The following LRBA variants were observed in gnomAD, a reference collection of about 807,000 sequenced individuals.
LRBA encodes LPS responsive beige-like anchor protein, also known as lipopolysaccharide-responsive and beige-like anchor protein.
In LRBA, 176 loss-of-function variants were observed where a neutral mutation model predicts 330.0. That is an observed-to-expected ratio of 0.53 (90% confidence interval 0.47 to 0.60). LRBA has a LOEUF of 0.60. LRBA is among the 20% of genes least tolerant of loss of function. The probability of loss-of-function intolerance (pLI) is 0.00; values close to 1 mark genes in which losing one functional copy is unlikely to be tolerated. For missense variants in LRBA, 3,259 were observed against 3,444.8 expected (o/e 0.95, Z 1.35); for synonymous variants, 1,230 against 1,193.0 (o/e 1.03, Z -0.64).
chr4:150,328,042 A>C (rs1437077230), intron 48 of LRBA, among the ~76,000 whole-genome samples: 1 of 152,208 alleles, frequency 6.6e-6, no homozygotes, highest in Non-Finnish European at 1.5e-5. Flanking sequence ...ATAGTAACAA[A>C]GAGATGAATA....
intron 40 of LRBA, among the ~76,000 whole-genome samples, chr4:150,538,687 G>A (rs1302522604): frequency 6.6e-6 from 1 of 151,980 alleles, no homozygotes; most frequent in Non-Finnish European, 1.5e-5. Context: ...CTACTGGCCA[G>A]GCGCACACCT....
chr4:150,716,493 G>A (rs1051805729), intron 36 of LRBA, among the ~76,000 whole-genome samples: 2 of 152,050 alleles, frequency 1.3e-5, no homozygotes, highest in Non-Finnish European at 2.9e-5. Context: ...AAAACAAAAA[G>A]CAAAATCCAA....
At chr4:150,880,860 A>C (rs555481550) in intron 17 of LRBA, among the ~76,000 whole-genome samples, 28 of 152,342 alleles carry the variant, frequency 1.8e-4, no homozygotes, top group Non-Finnish European at 3.4e-4. Flanking sequence ...AAACAATCCC[A>C]TTAAAAAATG....
chr4:150,559,555 T>A (rs1767792543), intron 40 of LRBA, among the ~76,000 whole-genome samples: 1 of 124,060 alleles, frequency 8.1e-6, no homozygotes, highest in South Asian at 2.2e-4. Flanking sequence ...GATAAATATA[T>A]ATATTTATAT....
At chr4:150,278,095 A>C in intron 55 of LRBA, 91 bp from the exon 56 acceptor site, 1 of 1,094,746 alleles carries the variant, frequency 9.1e-7, no homozygotes, top group South Asian at 1.4e-5. Flanking sequence ...ACCAGCTACT[A>C]CGGTGCAGAG....
At chr4:150,607,950 G>C (rs1215116655) in intron 37 of LRBA, among the ~76,000 whole-genome samples, 1 of 152,182 alleles carries the variant, frequency 6.6e-6, no homozygotes, top group Admixed American at 6.5e-5. Flanking sequence ...CAGGAGAATT[G>C]CTTGAACCTG....
At chr4:150,641,350 TCTAA>T (rs1383110981) in intron 37 of LRBA, among the ~76,000 whole-genome samples, 9 of 152,164 alleles carry the variant, frequency 5.9e-5, no homozygotes, top group South Asian at 2.1e-4. Flanking sequence ...CTCTTCATAT[TCTAA>T]CTTTCTTTTC....
At chr4:151,008,508 G>A (rs1160113326) in intron 2 of LRBA, among the ~76,000 whole-genome samples, 2 of 151,984 alleles carry the variant, frequency 1.3e-5, no homozygotes, top group African/African-American at 4.8e-5. Context: ...TGGCCCTGTG[G>A]AACCCAGTGA....
chr4:150,325,790 G>C lies in LRBA; in HGVS notation c.7452+19C>G. On this transcript the variant is annotated intron_variant, in intron 49 of 56. Transcript: ENST00000651943. ...CTGAAGGAGAGGCAAGAAATGAGGA[G>C]AGTAAAAATAGCACTTACCACTTGC... The C allele has an allele frequency of 6.6e-7, 1 of 1,522,036 alleles. No homozygotes were observed. The highest frequency in any genetic ancestry group is 9.1e-7 in the Non-Finnish European group (1 of 1,096,224). The allele number at this position is 1,522,036 out of a possible 1,614,324, so 94.3% of individuals were successfully genotyped here.
intron 40 of LRBA, among the ~76,000 whole-genome samples, chr4:150,498,005 A>G (rs76739232): frequency 0.016 from 2,480 of 152,172 alleles, 75 homozygotes; most frequent in African/African-American, 0.055. Context: ...AAGTAATGCA[A>G]TTTTTCAGAT....
chr4:150,915,957 T>C (rs1460784187), intron 7 of LRBA, among the ~76,000 whole-genome samples: 1 of 152,126 alleles, frequency 6.6e-6, no homozygotes, highest in Non-Finnish European at 1.5e-5. Flanking sequence ...TTATGGAAAT[T>C]TTCAAACATA....
intron 36 of LRBA, among the ~76,000 whole-genome samples, chr4:150,708,939 G>C (rs1321360746): frequency 1.3e-5 from 2 of 151,710 alleles, no homozygotes; most frequent in Non-Finnish European, 3.0e-5. Context: ...CTTTAACACA[G>C]GTTAAATTTC....
chr4:150,959,100 A>G (rs942578825), intron 2 of LRBA, among the ~76,000 whole-genome samples: 1 of 149,342 alleles, frequency 6.7e-6, no homozygotes, highest in Non-Finnish European at 1.5e-5. Context: ...GAGACTGGGT[A>G]ATTTACAAAG....
At position 150,848,808 on chromosome 4, in the gene LRBA, A is replaced by C; in HGVS notation, c.4339+10T>G. 6.3e-7 allele frequency: 1 copy of C among 1,577,598 alleles called. No individual in the cohort carries two copies. The highest frequency in any genetic ancestry group is 8.6e-7 in the Non-Finnish European group (1 of 1,166,088). ...TTTTAGTAAATTCCCAACGGTTTTT[A>C]GCAGCTCACCTAGTCGGAGACACTG... On this transcript the variant is annotated intron_variant, in intron 26 of 56. Transcript: ENST00000651943.
At chr4:150,427,998 G>A (rs1404234475) in intron 46 of LRBA, among the ~76,000 whole-genome samples, 2 of 151,808 alleles carry the variant, frequency 1.3e-5, no homozygotes, top group Non-Finnish European at 2.9e-5. Context: ...GGAAGTCAAA[G>A]GTCTCATGTT....
At chr4:150,406,588 AAAAC>A (rs1399648686) in intron 47 of LRBA, among the ~76,000 whole-genome samples, 2 of 152,188 alleles carry the variant, frequency 1.3e-5, no homozygotes, top group African/African-American at 2.4e-5. Context: ...AAAATTACTA[AAAAC>A]AAACAGAGAC....
chr4:150,281,577 T>A (rs189979636), intron 55 of LRBA, among the ~76,000 whole-genome samples: 3 of 152,004 alleles, frequency 2.0e-5, no homozygotes, highest in South Asian at 4.2e-4. Flanking sequence ...TAGCAATGAG[T>A]GAAATATCCA....
chr4:150,794,307 A>G (rs1365964895), intron 34 of LRBA, among the ~76,000 whole-genome samples: 3 of 152,152 alleles, frequency 2.0e-5, no homozygotes, highest in Non-Finnish European at 4.4e-5. Flanking sequence ...GGGTGGTGGA[A>G]GAGAGGTATT....
intron 40 of LRBA, among the ~76,000 whole-genome samples, chr4:150,511,129 A>T (rs940210460): frequency 6.6e-6 from 1 of 152,174 alleles, no homozygotes; most frequent in Admixed American, 6.5e-5. Context: ...AAGTTCTGGG[A>T]TTACAGGCGT....
Sources: gnomAD v4.1 joint callset for allele counts (sites outside exome capture counted in the v4.1 genomes callset) on GRCh38, gnomAD v4.1.1 for gene constraint, MANE v1.5 for transcripts, NCBI Gene and HGNC (gene_info 2026-07-23, HGNC 2026-07-21) for gene names.